The following RGS7 variants were observed in gnomAD, a reference collection of about 807,000 sequenced individuals.
RGS7 encodes the protein regulator of G-protein signaling 7.
RGS7 carries 27 observed loss-of-function variants against 81.1 expected under a neutral mutation model. The ratio of observed to expected loss-of-function variants is 0.33; its 90% CI spans 0.25 to 0.46. The LOEUF is 0.46. Ranked by LOEUF, RGS7 falls within the 20% of genes least tolerant of loss-of-function variation. The pLI is 1.00. For synonymous variants in RGS7, 208 were observed against 207.7 expected, an observed-to-expected ratio of 1.00 and a Z score of -0.01; for missense variants, 396 against 607.4, an observed-to-expected ratio of 0.65 and a Z score of 3.66.
intron 2 of RGS7, among the ~76,000 whole-genome samples, chr1:241,113,771 C>T (rs905768726): frequency 2.0e-5 from 3 of 152,178 alleles, no homozygotes; most frequent in African/African-American, 7.2e-5. Flanking sequence ...CTTGATAAAA[C>T]ATGTACTTTA....
At chr1:241,102,905 G>C (rs1312930572) in intron 2 of RGS7, among the ~76,000 whole-genome samples, 2 of 150,822 alleles carry the variant, frequency 1.3e-5, no homozygotes, top group Non-Finnish European at 2.9e-5. Flanking sequence ...CATTCACTCA[G>C]AGTCTATTAA....
intron 2 of RGS7, among the ~76,000 whole-genome samples, chr1:241,340,017 G>A (rs1268829859): frequency 6.6e-6 from 1 of 152,160 alleles, no homozygotes. Context: ...TAAACTTTCA[G>A]GGCAAGACCA....
At chr1:241,151,149 A>G (rs1006938307) in intron 2 of RGS7, among the ~76,000 whole-genome samples, 3 of 152,178 alleles carry the variant, frequency 2.0e-5, no homozygotes, top group African/African-American at 7.2e-5. Context: ...ACACCCTAAC[A>G]GTCGTGCCCA....
At chr1:240,836,934 A>T (rs557869532) in intron 9 of RGS7, among the ~76,000 whole-genome samples, 3 of 152,318 alleles carry the variant, frequency 2.0e-5, no homozygotes, top group African/African-American at 7.2e-5. Flanking sequence ...TTGAAATCAG[A>T]CCACTTCAGC....
intron 2 of RGS7, among the ~76,000 whole-genome samples, chr1:241,226,687 T>C (rs1341777540): frequency 6.6e-6 from 1 of 152,216 alleles, no homozygotes; most frequent in Non-Finnish European, 1.5e-5. Context: ...AAATCTGACC[T>C]ACTTCATTCC....
chr1:240,883,186 G>C (rs1183293390), intron 6 of RGS7, among the ~76,000 whole-genome samples: 1 of 151,378 alleles, frequency 6.6e-6, no homozygotes, highest in Non-Finnish European at 1.5e-5. Context: ...GTTGTGGGGT[G>C]GGGGGATGGG....
At chr1:240,918,426 G>T (rs1030993528) in intron 6 of RGS7, among the ~76,000 whole-genome samples, 1 of 151,890 alleles carries the variant, frequency 6.6e-6, no homozygotes, top group African/African-American at 2.4e-5. Flanking sequence ...AATTAAACTA[G>T]AAATCAACAA....
At chr1:240,853,900 CAAAAAAAAAAAAAAA>C (rs35471716) in intron 9 of RGS7, among the ~76,000 whole-genome samples, 6 of 22,258 alleles carry the variant, frequency 2.7e-4, no homozygotes, top group Non-Finnish European at 4.6e-4. Context: ...GACTCCGTCT[CAAAAAAAAAAAAAAA>C]AAAAAAAAAA....
chr1:240,870,174 GT>G, intron 6 of RGS7, 55 bp from the exon 7 acceptor site: 1 of 1,464,482 alleles, frequency 6.8e-7, no homozygotes, highest in South Asian at 1.1e-5. Flanking sequence ...GGCACTATAA[GT>G]AAAAGTACAA....
chr1:241,162,222 G>GCGCCCCCCGCCCGCCCC (rs68166816), intron 2 of RGS7, among the ~76,000 whole-genome samples: 2 of 142,028 alleles, frequency 1.4e-5, no homozygotes, highest in Admixed American at 7.0e-5. Context: ...CTGGTGATCA[G>GCGCCCCCCGCCCGCCCC]CTTCCAAATA....
Position 241,026,872 on chromosome 1 carries a change from A to G in RGS7, c.176-43743T>C, listed in dbSNP as rs138548707. ...GCTTAGAGGATCTCTCTGAGTGATC[A>G]TAAGACATCCATGATGTCTTCAAAG... is the stretch of plus-strand genomic sequence containing the variant. On this transcript the variant is annotated intron_variant, in intron 3 of 18. Coordinates refer to ENST00000440928, the MANE Select transcript of RGS7 (RefSeq NM_001364886.1). 3.7e-3 allele frequency among the ~76,000 whole-genome samples: 568 copies of G among 152,186 alleles called. 3 individuals are homozygous for G. The highest frequency in any genetic ancestry group is 0.013 in the African/African-American group (525 of 41,528).
At chr1:241,138,693 AC>A (rs1173804586) in intron 2 of RGS7, among the ~76,000 whole-genome samples, 1 of 152,048 alleles carries the variant, frequency 6.6e-6, no homozygotes, top group Admixed American at 6.6e-5. Flanking sequence ...CCTCATCTCG[AC>A]CCTTTCCATT....
chr1:240,888,040 G>A (rs1396071506), intron 6 of RGS7, among the ~76,000 whole-genome samples: 2 of 152,210 alleles, frequency 1.3e-5, no homozygotes, highest in African/African-American at 4.8e-5. Context: ...TATTGGTGAT[G>A]GGATTGGGAG....
chr1:241,325,281 CT>C (rs2081427970), intron 2 of RGS7, among the ~76,000 whole-genome samples: 2 of 152,154 alleles, frequency 1.3e-5, no homozygotes, highest in Non-Finnish European at 2.9e-5. Flanking sequence ...CACTGAAACC[CT>C]TTTCAATGAA....
intron 9 of RGS7, among the ~76,000 whole-genome samples, chr1:240,844,929 C>T (rs989131979): frequency 2.6e-5 from 4 of 152,168 alleles, no homozygotes; most frequent in African/African-American, 9.7e-5. Context: ...TGCACAGTTC[C>T]TATTGATTTC....
chr1:241,008,593 G>A (rs1008875242), intron 3 of RGS7, among the ~76,000 whole-genome samples: 3 of 152,194 alleles, frequency 2.0e-5, no homozygotes, highest in South Asian at 4.1e-4. Context: ...AACCAAAGCT[G>A]TTGAAACTGT....
chr1:240,846,163 G>A (rs1659042419), intron 9 of RGS7, among the ~76,000 whole-genome samples: 1 of 152,156 alleles, frequency 6.6e-6, no homozygotes, highest in South Asian at 2.1e-4. Flanking sequence ...CCTAGTCTCT[G>A]TCTTCTTATG....
intron 9 of RGS7, among the ~76,000 whole-genome samples, chr1:240,843,141 G>A (rs1046950022): frequency 1.2e-4 from 18 of 148,994 alleles, no homozygotes; most frequent in Admixed American, 2.7e-4. Context: ...CTCCAGCCTC[G>A]GGCACAAGAG....
chr1:240,902,930 C>T (rs1242164004), intron 6 of RGS7, among the ~76,000 whole-genome samples: 1 of 152,124 alleles, frequency 6.6e-6, no homozygotes, highest in African/African-American at 2.4e-5. Flanking sequence ...TTTAGAAATG[C>T]TAATAATTCC....
Sources: allele counts gnomAD v4.1 joint callset (sites outside exome capture counted in the v4.1 genomes callset), GRCh38; gene constraint gnomAD v4.1.1; transcripts MANE v1.5; gene names NCBI Gene and HGNC (gene_info 2026-07-23, HGNC 2026-07-21).